The following LRMDA variants were observed in gnomAD, a reference collection of about 807,000 sequenced individuals.
LRMDA encodes the protein leucine rich melanocyte differentiation associated, also known as leucine-rich melanocyte differentiation-associated protein.
In LRMDA, 18 loss-of-function variants were observed where a neutral mutation model predicts 29.8. The ratio of observed to expected loss-of-function variants is 0.60; its 90% CI spans 0.42 to 0.90. LRMDA has a LOEUF of 0.90. Ranked by LOEUF, LRMDA falls within the 40% of genes least tolerant of loss-of-function variation. The pLI is 0.00. For missense variants in LRMDA, 273 were observed against 273.9 expected, an observed-to-expected ratio of 1.00 and a Z score of 0.02; for synonymous variants, 125 against 109.4, an observed-to-expected ratio of 1.14 and a Z score of -0.89.
chr10:75,849,058 G>T (rs1362738373), intron 2 of LRMDA, among the ~76,000 whole-genome samples: 1 of 152,104 alleles, frequency 6.6e-6, no homozygotes, highest in Non-Finnish European at 1.5e-5. Context: ...AGCTTCTCTG[G>T]CATGGGCTGA....
At chr10:76,515,073 A>C (rs1843046489) in intron 6 of LRMDA, among the ~76,000 whole-genome samples, 1 of 152,164 alleles carries the variant, frequency 6.6e-6, no homozygotes, top group Non-Finnish European at 1.5e-5. Context: ...TACCTTGCAA[A>C]GACATGTCCC....
At chr10:75,750,923 G>C (rs898681710) in intron 2 of LRMDA, among the ~76,000 whole-genome samples, 1 of 152,172 alleles carries the variant, frequency 6.6e-6, no homozygotes, top group African/African-American at 2.4e-5. Context: ...TGGCGGCCGG[G>C]CAGAGGCTGC....
chr10:76,029,409 C>A (rs1489478686), intron 2 of LRMDA, among the ~76,000 whole-genome samples: 2 of 152,152 alleles, frequency 1.3e-5, no homozygotes. Context: ...TGAAGGATTA[C>A]CTTTTTACAA....
At chr10:75,705,615 G>A (rs116823442) in intron 2 of LRMDA, among the ~76,000 whole-genome samples, 2,734 of 152,334 alleles carry the variant, frequency 0.018, 90 homozygotes, top group African/African-American at 0.058. Flanking sequence ...TGATGGCAGA[G>A]TCAAGGCTAG....
chr10:75,472,601 A>G (rs1334117729), intron 2 of LRMDA, among the ~76,000 whole-genome samples: 1 of 152,188 alleles, frequency 6.6e-6, no homozygotes, highest in African/African-American at 2.4e-5. Flanking sequence ...ATGGTTATTG[A>G]GTTGCGTTAT....
chr10:75,611,448 C>A (rs1841030757), intron 2 of LRMDA, among the ~76,000 whole-genome samples: 1 of 152,114 alleles, frequency 6.6e-6, no homozygotes, highest in African/African-American at 2.4e-5. Flanking sequence ...CCGTTACAAC[C>A]ATCCATCTCC....
At chr10:75,774,824 G>A (rs552705136) in intron 2 of LRMDA, among the ~76,000 whole-genome samples, 1 of 152,340 alleles carries the variant, frequency 6.6e-6, no homozygotes, top group South Asian at 2.1e-4. Flanking sequence ...CTTGAGGGCA[G>A]CTTAGACATA....
chr10:76,287,279 T>G (rs1438417411), intron 5 of LRMDA, among the ~76,000 whole-genome samples: 1 of 152,090 alleles, frequency 6.6e-6, no homozygotes, highest in Non-Finnish European at 1.5e-5. Context: ...TAATCTTAGT[T>G]TTGTTTCTAT....
chr10:76,405,466 G>T (rs1841892860), intron 6 of LRMDA, among the ~76,000 whole-genome samples: 1 of 152,176 alleles, frequency 6.6e-6, no homozygotes, highest in Non-Finnish European at 1.5e-5. Context: ...ATGCAGCCCT[G>T]CCAGGAACAG....
intron 5 of LRMDA, among the ~76,000 whole-genome samples, chr10:76,088,552 G>T (rs889214235): frequency 6.6e-6 from 1 of 152,208 alleles, no homozygotes; most frequent in African/African-American, 2.4e-5. Context: ...TGGATGGGAA[G>T]CCAGGCAGGA....
intron 5 of LRMDA, among the ~76,000 whole-genome samples, chr10:76,125,820 C>A (rs939784835): frequency 1.3e-5 from 2 of 152,198 alleles, no homozygotes; most frequent in Non-Finnish European, 2.9e-5. Context: ...ACTGTCTACT[C>A]ACAGAGCATA....
intron 2 of LRMDA, among the ~76,000 whole-genome samples, chr10:75,720,372 C>T (rs924330144): frequency 3.3e-5 from 5 of 152,142 alleles, no homozygotes; most frequent in Non-Finnish European, 7.4e-5. Context: ...AACAACATAT[C>T]GTGATTCTTC....
intron 6 of LRMDA, among the ~76,000 whole-genome samples, chr10:76,340,512 T>A (rs1414278785): frequency 3.7e-4 from 7 of 19,022 alleles, no homozygotes; most frequent in Non-Finnish European, 4.6e-4. Flanking sequence ...TGAGAACCTG[T>A]ATCAAAAAAA....
chr10:76,022,230 G>A (rs1847986047), intron 2 of LRMDA, among the ~76,000 whole-genome samples: 1 of 152,154 alleles, frequency 6.6e-6, no homozygotes, highest in African/African-American at 2.4e-5. Flanking sequence ...TACTCCTAGT[G>A]CCTGGCAGAG....
In LRMDA at chr10:75,575,531, C is replaced by G. The variant is rs560344691; in HGVS notation, c.131+137037C>G. On this transcript the variant is annotated intron_variant, in intron 2 of 6. Coordinates refer to ENST00000611255, the MANE Select transcript of LRMDA (RefSeq NM_001305581.2). ...TGCCGAAAGAAAGGGGCTGCAGGCC[C>G]CAGTGCAAGTTTGAAACACAGAAGG... 2.3e-3 allele frequency among the ~76,000 whole-genome samples: 343 copies of G among 152,306 alleles called. 1 individual carries two copies. Among genetic ancestry groups the G allele is most frequent in the Non-Finnish European group, 4.1e-3 (279 of 68,024 alleles).
At chr10:75,555,413 T>A (rs1038378301) in intron 2 of LRMDA, among the ~76,000 whole-genome samples, 3 of 151,980 alleles carry the variant, frequency 2.0e-5, no homozygotes, top group Non-Finnish European at 4.4e-5. Flanking sequence ...CTGGAAGGAG[T>A]GGGGTCTCTG....
chr10:75,930,851 T>C (rs1213806392), intron 2 of LRMDA, among the ~76,000 whole-genome samples: 1 of 152,246 alleles, frequency 6.6e-6, no homozygotes, highest in East Asian at 1.9e-4. Flanking sequence ...GATTATTTAA[T>C]TCAACTAATA....
At chr10:75,586,364 T>TTTTTTTTTTTTG (rs1840655701) in intron 2 of LRMDA, among the ~76,000 whole-genome samples, 1 of 137,808 alleles carries the variant, frequency 7.3e-6, no homozygotes, top group Non-Finnish European at 1.6e-5. Context: ...TTTTTTTTTT[T>TTTTTTTTTTTTG]TTTTTAAATT....
At chr10:75,982,608 C>A (rs181650657) in intron 2 of LRMDA, among the ~76,000 whole-genome samples, 1 of 152,260 alleles carries the variant, frequency 6.6e-6, no homozygotes, top group African/African-American at 2.4e-5. Flanking sequence ...GTGAAGCTGG[C>A]CTTAATGATT....
Sources: allele counts gnomAD v4.1 joint callset (sites outside exome capture counted in the v4.1 genomes callset), GRCh38; gene constraint gnomAD v4.1.1; transcripts MANE v1.5; gene names NCBI Gene and HGNC (gene_info 2026-07-23, HGNC 2026-07-21).